The following MAPK8 variants were observed in gnomAD, a reference collection of about 807,000 sequenced individuals.
MAPK8 encodes JUN N-terminal kinase.
In MAPK8, 13 loss-of-function variants were observed where a neutral mutation model predicts 52.9. That is an observed-to-expected ratio of 0.25 (90% CI 0.16 to 0.39). The LOEUF is 0.39. Among genes scored for constraint, MAPK8 ranks in the 10% least tolerant of loss-of-function variants. The probability of loss-of-function intolerance (pLI) is 1.00; values close to 1 mark genes in which losing one functional copy is unlikely to be tolerated. For synonymous variants in MAPK8, 191 were observed against 169.8 expected (o/e 1.12, Z -0.97); for missense variants, 300 against 519.2 (o/e 0.58, Z 4.10).
At chr10:48,381,996 A>G (rs2041034178) in intron 1 of MAPK8, among the ~76,000 whole-genome samples, 1 of 152,164 alleles carries the variant, frequency 6.6e-6, no homozygotes, top group South Asian at 2.1e-4. Context: ...AGGACAGAGG[A>G]CAGAACTGTG....
intron 1 of MAPK8, among the ~76,000 whole-genome samples, chr10:48,386,415 G>A (rs1274157618): frequency 6.6e-6 from 1 of 152,068 alleles, no homozygotes; most frequent in African/African-American, 2.4e-5. Context: ...AGTACCTTGG[G>A]AAATAGTATA....
intron 2 of MAPK8, among the ~76,000 whole-genome samples, chr10:48,402,180 A>G (rs1021643314): frequency 6.6e-6 from 1 of 152,238 alleles, no homozygotes; most frequent in Admixed American, 6.5e-5. Flanking sequence ...TGTATTATTC[A>G]TAAGATACAA....
At chr10:48,348,885 T>C (rs1480332792) in intron 1 of MAPK8, among the ~76,000 whole-genome samples, 1 of 150,108 alleles carries the variant, frequency 6.7e-6, no homozygotes, top group Admixed American at 6.7e-5. Context: ...TTTTTGGGCA[T>C]GTGCAAAGAC....
chr10:48,361,455 T>A (rs1847516103), intron 1 of MAPK8, among the ~76,000 whole-genome samples: 1 of 152,216 alleles, frequency 6.6e-6, no homozygotes, highest in Non-Finnish European at 1.5e-5. Context: ...CATGTCCTTT[T>A]CTAGGGTGAA....
intron 11 of MAPK8, among the ~76,000 whole-genome samples, chr10:48,434,513 A>C (rs2044674129): frequency 6.6e-6 from 1 of 152,202 alleles, no homozygotes; most frequent in South Asian, 2.1e-4. Flanking sequence ...CTCTGTCCAA[A>C]AAAAGGCATT....
At chr10:48,422,081 G>A (rs1020508934) in intron 6 of MAPK8, among the ~76,000 whole-genome samples, 1 of 151,626 alleles carries the variant, frequency 6.6e-6, no homozygotes, top group African/African-American at 2.4e-5. Flanking sequence ...TGCCCAGGCT[G>A]GAGTACAGTC....
At chr10:48,394,108 CTATGTT>C (rs2041769441) in intron 1 of MAPK8, among the ~76,000 whole-genome samples, 1 of 151,898 alleles carries the variant, frequency 6.6e-6, no homozygotes, top group African/African-American at 2.4e-5. Context: ...CCAAACAGCC[CTATGTT>C]TATAAGAGAA....
At position 48,403,492 on chromosome 10, in the gene MAPK8, G is replaced by A. The variant is rs185167179; in HGVS notation, c.123-1360G>A. Reference sequence around the variant, plus strand: ...AAAAAATCAGAGCAATTATGGTAACGTATTAAGATTTAATAAATTTGCATA... The same window carrying A: ...AAAAAATCAGAGCAATTATGGTAACATATTAAGATTTAATAAATTTGCATA... On this transcript the variant is annotated intron_variant, in intron 2 of 11. Transcript: ENST00000374189. Among the ~76,000 whole-genome samples the A allele has an allele frequency of 3.5e-4, 53 of 151,604 alleles. No individual in the cohort carries two copies. The East Asian group carries it at 5.6e-3, about 16-fold the overall frequency.
chr10:48,313,774 AGACG>A (rs1363208837), intron 1 of MAPK8, among the ~76,000 whole-genome samples: 1 of 152,048 alleles, frequency 6.6e-6, no homozygotes, highest in Non-Finnish European at 1.5e-5. Context: ...TTGTTTTTTG[AGACG>A]GAGTCTCACT....
At chr10:48,325,656 G>A (rs936321152) in intron 1 of MAPK8, among the ~76,000 whole-genome samples, 1 of 152,168 alleles carries the variant, frequency 6.6e-6, no homozygotes, top group Non-Finnish European at 1.5e-5. Context: ...TTAGTGAAAA[G>A]TATTGGTACA....
chr10:48,404,561 T>C (rs1013164504), intron 2 of MAPK8, among the ~76,000 whole-genome samples: 1 of 152,178 alleles, frequency 6.6e-6, no homozygotes, highest in South Asian at 2.1e-4. Context: ...GATTTGTACA[T>C]TGAGTGCCCA....
At chr10:48,424,301 TGA>T in intron 7 of MAPK8, 142 bp downstream of exon 7, 1 of 820,604 alleles carries the variant, frequency 1.2e-6, no homozygotes, top group Non-Finnish European at 1.9e-6. Context: ...CAAAAATTGT[TGA>T]GATAAGAAGC....
intron 3 of MAPK8, among the ~76,000 whole-genome samples, chr10:48,406,757 A>T (rs150251040): frequency 6.6e-6 from 1 of 152,146 alleles, no homozygotes; most frequent in Admixed American, 6.5e-5. Flanking sequence ...TTCTTTTCAT[A>T]GATGGTCTTG....
rs74130274 is a variant in MAPK8 at position 48,432,725 on chromosome 10, G to A, written c.1138+1455G>A. ...AAATGTAATAATTTCATGAGTTAGA[G>A]CATTTGTATTTGTTCTTAATTTGTA... On this transcript the variant is annotated intron_variant, in intron 11 of 11. Transcript: ENST00000374189. Among the ~76,000 whole-genome samples, 272 of 152,280 alleles carry A rather than the reference G, an allele frequency of 1.8e-3. 1 individual carries two copies. Among genetic ancestry groups the A allele is most frequent in the African/African-American group, 6.3e-3 (261 of 41,570 alleles).
chr10:48,405,550 A>G (rs1263145265), intron 3 of MAPK8, among the ~76,000 whole-genome samples: 1 of 152,258 alleles, frequency 6.6e-6, no homozygotes, highest in African/African-American at 2.4e-5. Flanking sequence ...GATTGCAAAG[A>G]TAAGTCTTTA....
At chr10:48,317,948 C>G (rs1842660762) in intron 1 of MAPK8, among the ~76,000 whole-genome samples, 1 of 150,882 alleles carries the variant, frequency 6.6e-6, no homozygotes, top group Admixed American at 6.6e-5. Context: ...GACCCCCCAC[C>G]CCCCCAGCAT....
chr10:48,307,412 C>T (rs1049514040), intron 1 of MAPK8, among the ~76,000 whole-genome samples: 2 of 152,218 alleles, frequency 1.3e-5, no homozygotes, highest in African/African-American at 4.8e-5. Flanking sequence ...AGAGCCCAGG[C>T]CCGTGGCTCG....
intron 1 of MAPK8, among the ~76,000 whole-genome samples, chr10:48,377,485 C>T (rs561737178): frequency 2.5e-4 from 38 of 152,262 alleles, no homozygotes; most frequent in South Asian, 1.5e-3. Flanking sequence ...GGCTACTTTG[C>T]GGTAAGATGT....
intron 1 of MAPK8, among the ~76,000 whole-genome samples, chr10:48,316,935 G>A (rs1032808661): frequency 1.3e-5 from 2 of 152,080 alleles, no homozygotes; most frequent in African/African-American, 4.8e-5. Context: ...TATCCTAATG[G>A]TATAGGAGCT....
Sources: allele counts gnomAD v4.1 joint callset (sites outside exome capture counted in the v4.1 genomes callset), GRCh38; gene constraint gnomAD v4.1.1; transcripts MANE v1.5; gene names NCBI Gene and HGNC (gene_info 2026-07-23, HGNC 2026-07-21).